Variants in ATP6V1H observed in about 807,000 individuals in gnomAD.
The protein encoded by ATP6V1H is ATPase H+ transporting V1 subunit H.
In ATP6V1H, 39 loss-of-function variants were observed where a neutral mutation model predicts 71.7. That is an observed-to-expected ratio of 0.54 (90% CI 0.42 to 0.71). The LOEUF is 0.71. Among genes scored for constraint, ATP6V1H ranks in the 30% least tolerant of loss-of-function variants. The pLI, the probability that ATP6V1H is intolerant of heterozygous loss-of-function variation, is 0.00. For missense variants in ATP6V1H, 509 were observed against 594.9 expected (o/e 0.86, Z 1.50); for synonymous variants, 192 against 199.3 (o/e 0.96, Z 0.31).
At chr8:53,790,940 A>G (rs1343413596) in intron 9 of ATP6V1H, among the ~76,000 whole-genome samples, 1 of 152,210 alleles carries the variant, frequency 6.6e-6, no homozygotes, top group African/African-American at 2.4e-5. Context: ...CTTTTTAACC[A>G]TAAAACCACA....
chr8:53,738,595 C>CACCT (rs1807309922), intron 13 of ATP6V1H, among the ~76,000 whole-genome samples: 1 of 152,178 alleles, frequency 6.6e-6, no homozygotes, highest in Non-Finnish European at 1.5e-5. Flanking sequence ...TAGTCATGTG[C>CACCT]ACCTATGTGT....
At chr8:53,819,106 G>A (rs1477433194) in intron 4 of ATP6V1H, among the ~76,000 whole-genome samples, 5 of 151,814 alleles carry the variant, frequency 3.3e-5, no homozygotes, top group African/African-American at 7.3e-5. Flanking sequence ...CTCAAGAGAC[G>A]GAGGTGGGAG....
At chr8:53,804,079 T>C (rs1425965230) in intron 7 of ATP6V1H, among the ~76,000 whole-genome samples, 1 of 152,352 alleles carries the variant, frequency 6.6e-6, no homozygotes, top group East Asian at 1.9e-4. Flanking sequence ...CAAATGAGCA[T>C]ATAAAAAGTG....
chr8:53,829,561 T>C (rs1300908651), intron 3 of ATP6V1H, 28 bp from the exon 4 acceptor site: 4 of 1,390,466 alleles, frequency 2.9e-6, no homozygotes, highest in Admixed American at 2.1e-5. Context: ...ATTAAAGTTA[T>C]TGTTTTTATT....
intron 2 of ATP6V1H, chr8:53,839,561 T>C (rs759643153): frequency 2.1e-6 from 2 of 953,806 alleles, no homozygotes; most frequent in Non-Finnish European, 2.5e-6. Context: ...ATTCTATCTA[T>C]TCCAATACCT....
At chr8:53,809,890 G>GT (rs1256424313) in intron 7 of ATP6V1H, among the ~76,000 whole-genome samples, 2 of 152,122 alleles carry the variant, frequency 1.3e-5, no homozygotes, top group African/African-American at 4.8e-5. Flanking sequence ...CCAGGATCGC[G>GT]TATCTAGTTC....
intron 2 of ATP6V1H, among the ~76,000 whole-genome samples, chr8:53,838,127 C>CT (rs11388813): frequency 0.74 from 108,141 of 146,250 alleles, 40,874 homozygotes; most frequent in African/African-American, 0.92. Context: ...CTGTTACTGT[C>CT]TTTTTTTTTT....
intron 9 of ATP6V1H, among the ~76,000 whole-genome samples, chr8:53,787,428 GA>G (rs1809423664): frequency 6.6e-6 from 1 of 152,188 alleles, no homozygotes; most frequent in Non-Finnish European, 1.5e-5. Flanking sequence ...TGCCTGCATG[GA>G]AAAATGCATG....
chr8:53,748,102 G>A (rs1430079224), intron 12 of ATP6V1H, among the ~76,000 whole-genome samples: 1 of 151,664 alleles, frequency 6.6e-6, no homozygotes. Context: ...AGGTTGCAGT[G>A]AGCCGAGATC....
At chr8:53,805,804 T>C (rs1645877145) in intron 7 of ATP6V1H, among the ~76,000 whole-genome samples, 1 of 152,162 alleles carries the variant, frequency 6.6e-6, no homozygotes, top group African/African-American at 2.4e-5. Context: ...AATACTACAT[T>C]GCAATGAAAA....
chr8:53,754,787 C>T (rs1383809922), intron 12 of ATP6V1H, among the ~76,000 whole-genome samples: 1 of 152,202 alleles, frequency 6.6e-6, no homozygotes, highest in Non-Finnish European at 1.5e-5. Context: ...GTTAGTGAAA[C>T]AGGCTGAGTG....
intron 11 of ATP6V1H, among the ~76,000 whole-genome samples, chr8:53,761,162 C>T (rs1424759295): frequency 2.0e-5 from 3 of 151,990 alleles, no homozygotes; most frequent in African/African-American, 7.3e-5. Flanking sequence ...CGGTGAAACC[C>T]TGTCTCTACT....
chr8:53,780,553 T>A lies in ATP6V1H; in HGVS notation c.871-8386A>T, dbSNP rs528794318. On this transcript the variant is annotated intron_variant, in intron 9 of 13. Transcript: ENST00000359530. ...TTTTTCTTTTTTTTAATTTTATTATTATTACACTTTAAGTTTTAGGGTACA... is the reference window on the plus strand; with the variant it reads ...TTTTTCTTTTTTTTAATTTTATTATAATTACACTTTAAGTTTTAGGGTACA... Among the ~76,000 whole-genome samples, 106 of 152,288 alleles carry A rather than the reference T, an allele frequency of 7.0e-4. No individual in the cohort carries two copies. The Middle Eastern group carries it at 0.024, about 34-fold the overall frequency.
At chr8:53,753,504 G>A (rs947013911) in intron 12 of ATP6V1H, among the ~76,000 whole-genome samples, 1 of 152,204 alleles carries the variant, frequency 6.6e-6, no homozygotes, top group African/African-American at 2.4e-5. Flanking sequence ...GGTCAGGTGT[G>A]CACAACATAT....
chr8:53,822,087 G>C (rs1043394328), intron 4 of ATP6V1H, among the ~76,000 whole-genome samples: 1 of 152,164 alleles, frequency 6.6e-6, no homozygotes, highest in Non-Finnish European at 1.5e-5. Context: ...GTGTTCAACA[G>C]AGAACAGACT....
Position 53,738,874 on chromosome 8 carries a change from T to C in ATP6V1H, c.1391+4703A>G, listed in dbSNP as rs547819786. On this transcript the variant is annotated intron_variant, in intron 13 of 13. Coordinates refer to ENST00000359530, the MANE Select transcript of ATP6V1H (RefSeq NM_015941.4). ...AGCAACCTTCGATTGGGAGGCTGAA[T>C]TACCAGTTGATAGTGAGATAACAGC... Among the ~76,000 whole-genome samples the C allele has an allele frequency of 5.9e-5, 9 of 152,338 alleles. No homozygotes were observed. In the South Asian group the frequency reaches 1.7e-3, roughly 28 times the overall value.
Position 53,715,844 on chromosome 8 carries a change from G to A in ATP6V1H, c.*120C>T. The A allele has an allele frequency of 1.4e-6, 1 of 740,670 alleles. No homozygotes were observed. The highest frequency in any genetic ancestry group is 2.1e-6 in the Non-Finnish European group (1 of 480,252). The allele number at this position is 740,670 out of a possible 1,614,324, so 45.9% of individuals were successfully genotyped here. A position where few individuals can be genotyped will look rare whatever the true frequency, so the allele number is the denominator to read the frequency against. On this transcript the variant is annotated 3_prime_UTR_variant, in exon 14 of 14. Coordinates refer to ENST00000359530, the MANE Select transcript of ATP6V1H (RefSeq NM_015941.4). ...GTTGTTGTTTGGAAATTAGCATTGG[G>A]AAAAGCTATATAACAGAGGAAATTC...
At chr8:53,725,324 TCACCAACAA>T (rs1806776771) in intron 13 of ATP6V1H, among the ~76,000 whole-genome samples, 1 of 152,118 alleles carries the variant, frequency 6.6e-6, no homozygotes, top group Admixed American at 6.6e-5. Flanking sequence ...TACAGAGTCC[TCACCAACAA>T]GAAGGCCCTC....
intron 4 of ATP6V1H, among the ~76,000 whole-genome samples, chr8:53,828,548 T>C (rs778811787): frequency 7.2e-5 from 11 of 152,304 alleles, no homozygotes; most frequent in Admixed American, 3.3e-4. Flanking sequence ...TTCTAAACTT[T>C]ACTGTTTTAC....
Sources: allele counts gnomAD v4.1 joint callset (sites outside exome capture counted in the v4.1 genomes callset), GRCh38; gene constraint gnomAD v4.1.1; transcripts MANE v1.5; gene names NCBI Gene and HGNC (gene_info 2026-07-23, HGNC 2026-07-21).